The following JAM3 variants were observed in gnomAD, a reference collection of about 807,000 sequenced individuals.
The protein encoded by JAM3 is junctional adhesion molecule C.
JAM3 carries 31 observed loss-of-function variants against 39.4 expected under a neutral mutation model. The ratio of observed to expected loss-of-function variants is 0.79; its 90% CI spans 0.59 to 1.06. The LOEUF is 1.06. JAM3 is among the 50% of genes least tolerant of loss of function. The pLI is 0.00. For synonymous variants in JAM3, 182 were observed against 148.7 expected (o/e 1.22, Z -1.63); for missense variants, 455 against 391.4 (o/e 1.16, Z -1.37).
At chr11:134,133,361 G>T (rs981197315) in intron 1 of JAM3, among the ~76,000 whole-genome samples, 1 of 152,130 alleles carries the variant, frequency 6.6e-6, no homozygotes, top group African/African-American at 2.4e-5. Context: ...GGGCATCGTT[G>T]TCTTGTTCCT....
chr11:134,129,122 CT>C (rs35267285), intron 1 of JAM3, among the ~76,000 whole-genome samples: 39,323 of 136,156 alleles, frequency 0.29, 5,995 homozygotes, highest in African/African-American at 0.48. Flanking sequence ...TCTTCAAGTT[CT>C]TTTTTTTTTT....
intron 1 of JAM3, among the ~76,000 whole-genome samples, chr11:134,102,439 T>G (rs1273185556): frequency 6.6e-6 from 1 of 151,854 alleles, no homozygotes; most frequent in African/African-American, 2.4e-5. Context: ...AAGCTGAAAA[T>G]TCTAAAAATC....
rs1381591279 is a variant in JAM3, at chr11:134,151,283, C to T, written c.*2102C>T. 1 of 152,220 alleles carries T rather than the reference C, an allele frequency of 6.6e-6. No homozygotes were observed. The highest frequency in any genetic ancestry group is 1.9e-4 in the East Asian group (1 of 5,196). 9.4% of individuals were successfully genotyped at this position (152,220 alleles called of 1,614,324 possible). On this transcript the variant is annotated 3_prime_UTR_variant, in exon 9 of 9. Coordinates refer to ENST00000299106, the MANE Select transcript of JAM3 (RefSeq NM_032801.5). ...CCGCCTGGCAGAGGCAGGAAATGCTCCAGCAGTGGCTCAGTGCTCCCTGGT... is the reference window on the plus strand; with the variant it reads ...CCGCCTGGCAGAGGCAGGAAATGCTTCAGCAGTGGCTCAGTGCTCCCTGGT...
chr11:134,125,502 T>G (rs1413187242), intron 1 of JAM3, among the ~76,000 whole-genome samples: 1 of 152,330 alleles, frequency 6.6e-6, no homozygotes, highest in African/African-American at 2.4e-5. Flanking sequence ...CTTATAAGAT[T>G]ATACAATAAA....
chr11:134,069,189 A>C (rs745428732), intron 1 of JAM3, 30 bp downstream of exon 1: 3 of 1,609,336 alleles, frequency 1.9e-6, no homozygotes, highest in Non-Finnish European at 1.7e-6. Context: ...CTGTTGGGAG[A>C]CTAGGGTCTG....
chr11:134,092,262 G>A (rs944012802), intron 1 of JAM3, among the ~76,000 whole-genome samples: 7 of 152,142 alleles, frequency 4.6e-5, no homozygotes, highest in Non-Finnish European at 7.3e-5. Flanking sequence ...CAGCCACCTT[G>A]TTGCCTGGCG....
chr11:134,141,161 C>T (rs114657060), intron 3 of JAM3, among the ~76,000 whole-genome samples: 1,735 of 152,106 alleles, frequency 0.011, 29 homozygotes, highest in African/African-American at 0.04. Flanking sequence ...TGGACTGAGC[C>T]ACCCACTGTG....
chr11:134,143,968 G>A (rs1481995407), intron 3 of JAM3, among the ~76,000 whole-genome samples: 1 of 152,166 alleles, frequency 6.6e-6, no homozygotes, highest in African/African-American at 2.4e-5. Flanking sequence ...AAATGAGGAG[G>A]AGGAGGTGAA....
chr11:134,108,522 T>C (rs1054495888), intron 1 of JAM3, among the ~76,000 whole-genome samples: 3 of 152,104 alleles, frequency 2.0e-5, no homozygotes, highest in African/African-American at 7.2e-5. Flanking sequence ...ATGCAAAAAT[T>C]TCAAACAAAA....
At chr11:134,098,014 C>T (rs1485194474) in intron 1 of JAM3, among the ~76,000 whole-genome samples, 1 of 152,118 alleles carries the variant, frequency 6.6e-6, no homozygotes, top group African/African-American at 2.4e-5. Context: ...AACCTATATA[C>T]TTTATGAAGC....
rs1427645716 is a variant in JAM3, at chr11:134,149,262, G to C, written c.*81G>C. 2.0e-6 allele frequency: 3 copies of C among 1,530,744 alleles called. No individual in the cohort carries two copies. The highest frequency in any genetic ancestry group is 3.4e-5 in the Admixed American group (2 of 58,502). The allele number at this position is 1,530,744 out of a possible 1,614,324, so 94.8% of individuals were successfully genotyped here. ...AACTCCTGTCAAGGCAGCGAGAGCT[G>C]ATGCACTCGGACAGAGCTAGACACT... On this transcript the variant is annotated 3_prime_UTR_variant, in exon 9 of 9. Transcript: ENST00000299106.
At chr11:134,120,545 C>G (rs889619809) in intron 1 of JAM3, among the ~76,000 whole-genome samples, 1 of 152,224 alleles carries the variant, frequency 6.6e-6, no homozygotes, top group African/African-American at 2.4e-5. Flanking sequence ...CTCAGCATCT[C>G]TGCAGTTAAA....
In JAM3 at chr11:134,124,354, C is replaced by T. The variant is rs550593040; in HGVS notation, c.77-15497C>T. On this transcript the variant is annotated intron_variant, in intron 1 of 8. Transcript: ENST00000299106. Reference sequence around the variant, plus strand: ...ATGGCAAATGAAAAATGTGAGTGTGCGTGTGAGTGTGATGGGAAAAGTGAA... The same window carrying T: ...ATGGCAAATGAAAAATGTGAGTGTGTGTGTGAGTGTGATGGGAAAAGTGAA... 43 of 705,944 alleles carry T rather than the reference C, an allele frequency of 6.1e-5. No individual in the cohort carries two copies. In the East Asian group the frequency reaches 6.7e-4, roughly 11 times the overall value. The allele number at this position is 705,944 out of a possible 1,614,324, so 43.7% of individuals were successfully genotyped here. A position where few individuals can be genotyped will look rare whatever the true frequency, so the allele number is the denominator to read the frequency against.
chr11:134,113,173 T>C (rs918677497), intron 1 of JAM3, among the ~76,000 whole-genome samples: 21 of 151,240 alleles, frequency 1.4e-4, no homozygotes, highest in Non-Finnish European at 2.6e-4. Flanking sequence ...TAATTGACAA[T>C]GTGGGTTCTG....
intron 1 of JAM3, among the ~76,000 whole-genome samples, chr11:134,115,989 G>A (rs757111300): frequency 6.6e-6 from 1 of 152,156 alleles, no homozygotes; most frequent in African/African-American, 2.4e-5. Flanking sequence ...ATATCATCAT[G>A]ACATGTTGCT....
chr11:134,106,449 T>A, intron 1 of JAM3, among the ~76,000 whole-genome samples: 1 of 152,194 alleles, frequency 6.6e-6, no homozygotes, highest in Non-Finnish European at 1.5e-5. Flanking sequence ...AAGGACTTCA[T>A]GTCTAAAACA....
At position 134,141,845 on chromosome 11, in the gene JAM3, ATGC is replaced by A. The variant is rs1942978303; in HGVS notation, c.256+1076_256+1078del. 7.9e-5 allele frequency among the ~76,000 whole-genome samples: 12 copies of A among 152,046 alleles called. 1 individual carries two copies. In the South Asian group the frequency reaches 2.5e-3, roughly 32 times the overall value. ...AGGGCGGGAGCTGCAGGAGGTACAC[ATGC>A]AGGCTCGTGCATGAGTCGGAGCCTG... On this transcript the variant is annotated intron_variant, in intron 3 of 8. Transcript: ENST00000299106.
chr11:134,103,606 T>C (rs1942120781), intron 1 of JAM3, among the ~76,000 whole-genome samples: 2 of 152,128 alleles, frequency 1.3e-5, no homozygotes, highest in Admixed American at 6.6e-5. Flanking sequence ...GTGTGCTGTA[T>C]TCAGGAGACC....
chr11:134,123,738 C>G, intron 1 of JAM3: 6 of 608,222 alleles, frequency 9.9e-6, no homozygotes, highest in South Asian at 1.8e-5. Flanking sequence ...TTTGATGACA[C>G]AGGTAAGATT....
Sources: allele counts gnomAD v4.1 joint callset (sites outside exome capture counted in the v4.1 genomes callset), GRCh38; gene constraint gnomAD v4.1.1; transcripts MANE v1.5; gene names NCBI Gene and HGNC (gene_info 2026-07-23, HGNC 2026-07-21).